ZNF804B: variants seen among roughly 807,000 people sequenced by gnomAD.
ZNF804B encodes the protein zinc finger 804B.
A neutral mutation model predicts 101.4 loss-of-function variants in ZNF804B; 80 were observed. The ratio of observed to expected loss-of-function variants is 0.79; its 90% CI spans 0.66 to 0.95. The LOEUF (loss-of-function observed/expected upper bound fraction) is 0.95. Among genes scored for constraint, ZNF804B ranks in the 40% least tolerant of loss-of-function variants. The probability of loss-of-function intolerance (pLI) is 0.00; values close to 1 mark genes in which losing one functional copy is unlikely to be tolerated. For missense variants in ZNF804B, 1,673 were observed against 1,561.9 expected (o/e 1.07, Z -1.20); for synonymous variants, 622 against 558.8 (o/e 1.11, Z -1.59).
At chr7:88,771,651 G>A (rs951368254) in intron 1 of ZNF804B, among the ~76,000 whole-genome samples, 2 of 152,000 alleles carry the variant, frequency 1.3e-5, no homozygotes, top group African/African-American at 4.8e-5. Context: ...AATTAAATAA[G>A]AGAATACTGA....
intron 2 of ZNF804B, among the ~76,000 whole-genome samples, chr7:89,275,094 C>G (rs1037131107): frequency 1.3e-5 from 2 of 151,984 alleles, no homozygotes; most frequent in African/African-American, 4.8e-5. Flanking sequence ...TGAAAATTAT[C>G]TAGACCTTAC....
intron 2 of ZNF804B, among the ~76,000 whole-genome samples, chr7:89,304,838 G>A (rs1220986695): frequency 1.3e-5 from 2 of 151,866 alleles, no homozygotes; most frequent in African/African-American, 2.4e-5. Context: ...GCAAAAGACG[G>A]TCTTAATCTT....
intron 1 of ZNF804B, among the ~76,000 whole-genome samples, chr7:89,020,750 T>G (rs1788653468): frequency 1.3e-5 from 2 of 152,156 alleles, no homozygotes; most frequent in Non-Finnish European, 2.9e-5. Flanking sequence ...TCTTTGTTTT[T>G]TATTCTTTTA....
At position 89,224,063 on chromosome 7, in the gene ZNF804B, G is replaced by C. The variant is rs9969126; in HGVS notation, c.249+5768G>C. ...TTGTTAGCTGCAAATGTATTACTGG[G>C]ATGAATAATACACATCCTCACATGC... is the stretch of plus-strand genomic sequence containing the variant. On this transcript the variant is annotated intron_variant, in intron 2 of 3. Transcript: ENST00000333190. Among the ~76,000 whole-genome samples the C allele has an allele frequency of 6.6e-3, 997 of 151,988 alleles. 5 individuals are homozygous for C. The highest frequency in any genetic ancestry group is 0.023 in the African/African-American group (949 of 41,498).
At position 88,773,193 on chromosome 7, in the gene ZNF804B, T is replaced by G. The variant is rs536895988; in HGVS notation, c.108+13109T>G. Among the ~76,000 whole-genome samples, 26 of 152,306 alleles carry G rather than the reference T, an allele frequency of 1.7e-4. 1 individual carries two copies. Among genetic ancestry groups the G allele is most frequent in the African/African-American group, 6.3e-4 (26 of 41,586 alleles). On this transcript the variant is annotated intron_variant, in intron 1 of 3. Coordinates refer to ENST00000333190, the MANE Select transcript of ZNF804B (RefSeq NM_181646.5). ...TAAAGTGACTTTGGGAGCTCAGCCC[T>G]CAGGAACTACTGAGTGGGTAAATTC... is the stretch of plus-strand genomic sequence containing the variant.
intron 1 of ZNF804B, among the ~76,000 whole-genome samples, chr7:89,087,867 A>G (rs1387391376): frequency 2.0e-5 from 3 of 151,884 alleles, no homozygotes; most frequent in Non-Finnish European, 4.4e-5. Context: ...AAGCTAAATT[A>G]CAAGAGGTTA....
intron 1 of ZNF804B, among the ~76,000 whole-genome samples, chr7:89,099,487 G>A (rs1489017077): frequency 6.6e-6 from 1 of 152,138 alleles, no homozygotes; most frequent in Non-Finnish European, 1.5e-5. Flanking sequence ...GCTGGGAAAA[G>A]GTCCAGTTCA....
chr7:89,262,138 T>C (rs558120800), intron 2 of ZNF804B, among the ~76,000 whole-genome samples: 169 of 152,354 alleles, frequency 1.1e-3, no homozygotes, highest in African/African-American at 3.8e-3. Context: ...TCCCCCTTTT[T>C]CAACTTCGTT....
chr7:88,959,925 C>CT (rs1793366090), intron 1 of ZNF804B, among the ~76,000 whole-genome samples: 2 of 151,274 alleles, frequency 1.3e-5, no homozygotes, highest in African/African-American at 4.8e-5. Flanking sequence ...TGAAATTTTC[C>CT]TTTTTTTCTA....
At chr7:89,094,581 G>A (rs192034884) in intron 1 of ZNF804B, among the ~76,000 whole-genome samples, 2 of 152,072 alleles carry the variant, frequency 1.3e-5, no homozygotes, top group East Asian at 1.9e-4. Flanking sequence ...TACGTTAGTC[G>A]CTGAGATGCA....
In ZNF804B at chr7:89,027,273, C is replaced by T. The variant is rs568409848; in HGVS notation, c.109-190882C>T. ...GAGAGAGAGAGACAGAGAGAATCTT[C>T]TCTGGAAGATACAGGGAATAAAAAT... On this transcript the variant is annotated intron_variant, in intron 1 of 3. Transcript: ENST00000333190. Among the ~76,000 whole-genome samples, 3 of 152,120 alleles carry T rather than the reference C, an allele frequency of 2.0e-5. No individual in the cohort carries two copies. The East Asian group carries it at 5.8e-4, about 29-fold the overall frequency.
intron 2 of ZNF804B, among the ~76,000 whole-genome samples, chr7:89,319,688 A>G (rs1277725560): frequency 2.6e-5 from 4 of 152,194 alleles, no homozygotes; most frequent in Non-Finnish European, 4.4e-5. Flanking sequence ...TACTGATAGA[A>G]AGTACTTCTG....
intron 1 of ZNF804B, among the ~76,000 whole-genome samples, chr7:88,917,610 T>G (rs1159169967): frequency 6.6e-6 from 1 of 152,162 alleles, no homozygotes; most frequent in African/African-American, 2.4e-5. Context: ...ATGGCCCTCA[T>G]AGCAGTCAAC....
intron 2 of ZNF804B, among the ~76,000 whole-genome samples, chr7:89,251,069 A>G (rs1200973459): frequency 1.3e-5 from 2 of 152,194 alleles, no homozygotes; most frequent in Non-Finnish European, 2.9e-5. Flanking sequence ...CTTATTCAAC[A>G]TAGTACTGGA....
Position 89,327,577 on chromosome 7 carries a change from T to C in ZNF804B, c.380+103T>C. 11 of 1,438,908 alleles carry C rather than the reference T, an allele frequency of 7.6e-6. No homozygotes were observed. In the South Asian group the frequency reaches 1.5e-4, roughly 19 times the overall value. 89.1% of individuals were successfully genotyped at this position (1,438,908 alleles called of 1,614,324 possible). On this transcript the variant is annotated intron_variant, in intron 3 of 3. Transcript: ENST00000333190. The stretch of plus-strand genomic sequence containing the variant: ...ACAATGTAAACAAATAATAACTAAC[T>C]AATAGATATGTCTGAAGGGCAAATA...
chr7:88,827,795 C>T (rs1791070845), intron 1 of ZNF804B, among the ~76,000 whole-genome samples: 2 of 152,086 alleles, frequency 1.3e-5, no homozygotes, highest in Admixed American at 1.3e-4. Context: ...TAGGACCATT[C>T]TGAACTCCTT....
At chr7:88,876,998 G>GAAAAA (rs1161171786) in intron 1 of ZNF804B, among the ~76,000 whole-genome samples, 32 of 53,866 alleles carry the variant, frequency 5.9e-4, no homozygotes, top group African/African-American at 3.2e-3. Flanking sequence ...GAGAATATTT[G>GAAAAA]AAAAAAAAAA....
At chr7:88,818,666 A>G (rs750786385) in intron 1 of ZNF804B, among the ~76,000 whole-genome samples, 1 of 152,218 alleles carries the variant, frequency 6.6e-6, no homozygotes, top group Admixed American at 6.5e-5. Context: ...AGCATAGGAT[A>G]TAGGAAAAAT....
At chr7:88,893,155 T>A (rs1380954750) in intron 1 of ZNF804B, among the ~76,000 whole-genome samples, 1 of 152,088 alleles carries the variant, frequency 6.6e-6, no homozygotes, top group Non-Finnish European at 1.5e-5. Context: ...AAAAGATACC[T>A]CCAGGGTAAA....
Sources: gnomAD v4.1 joint callset for allele counts (sites outside exome capture counted in the v4.1 genomes callset) on GRCh38, gnomAD v4.1.1 for gene constraint, MANE v1.5 for transcripts, NCBI Gene and HGNC (gene_info 2026-07-23, HGNC 2026-07-21) for gene names.